MAST3: variants seen among roughly 807,000 people sequenced by gnomAD.
The protein encoded by MAST3 is microtubule-associated serine/threonine-protein kinase 3.
In MAST3, 43 loss-of-function variants were observed where a neutral mutation model predicts 127.0. The observed-to-expected ratio is 0.34, with a 90% CI of 0.27 to 0.44. The LOEUF is 0.44. Ranked by LOEUF, MAST3 falls within the 20% of genes least tolerant of loss-of-function variation. MAST3 has a pLI of 1.00. For missense variants in MAST3, 1,390 were observed against 1,919.1 expected (o/e 0.72, Z 5.15); for synonymous variants, 785 against 809.2 (o/e 0.97, Z 0.51).
chr19:18,114,829 G>T (rs1164504251), intron 3 of MAST3, among the ~76,000 whole-genome samples: 1 of 152,176 alleles, frequency 6.6e-6, no homozygotes, highest in Non-Finnish European at 1.5e-5. Flanking sequence ...AATCCCAAGG[G>T]CAGGAAGAAT....
At chr19:18,136,207 A>G (rs531601342) in intron 18 of MAST3, among the ~76,000 whole-genome samples, 3 of 152,296 alleles carry the variant, frequency 2.0e-5, no homozygotes, top group African/African-American at 7.2e-5. Context: ...GCCACCCATC[A>G]CGTGGCCACT....
At chr19:18,137,715 G>A (rs920600681) in intron 19 of MAST3, among the ~76,000 whole-genome samples, 9 of 152,102 alleles carry the variant, frequency 5.9e-5, no homozygotes, top group African/African-American at 1.4e-4. Flanking sequence ...AGGGTAGGGC[G>A]CCTAGTGCAG....
chr19:18,110,594 T>A lies in MAST3; in HGVS notation c.72-58T>A. The A allele has an allele frequency of 1.1e-6, 1 of 909,268 alleles. No homozygotes were observed. The allele number at this position is 909,268 out of a possible 1,614,324, so 56.3% of individuals were successfully genotyped here. ...CGCAGCCGCCATCCGGAGATCCGGA[T>A]TCGGCCACACGAAGGGGCGGCCGCC... On this transcript the variant is annotated intron_variant, in intron 2 of 27. Coordinates refer to ENST00000687212, the MANE Select transcript of MAST3 (RefSeq NM_001393504.1). The surrounding 1 kb of genome is among the most constrained non-coding windows in gnomAD (Gnocchi z 4.3).
chr19:18,145,499 C>T lies in MAST3; in HGVS notation c.3040-244C>T, dbSNP rs1032868310. Among the ~76,000 whole-genome samples, 16 of 152,216 alleles carry T rather than the reference C, an allele frequency of 1.1e-4. No individual in the cohort carries two copies. Among genetic ancestry groups the T allele is most frequent in the Admixed American group, 3.9e-4 (6 of 15,284 alleles). On this transcript the variant is annotated intron_variant, in intron 24 of 27. Coordinates refer to ENST00000687212, the MANE Select transcript of MAST3 (RefSeq NM_001393504.1). This position sits in a 1 kb window ranked among gnomAD's most constrained non-coding sequence, Gnocchi z 5.9. ...GGCATGTTATCCTCCCTCTCCCAGC[C>T]CAAGGGCGTCGAGGCATGCCCTCCC...
chr19:18,107,521 A>C (rs570528025), intron 1 of MAST3, 66 bp from the exon 2 acceptor site: 2 of 1,513,206 alleles, frequency 1.3e-6, no homozygotes, highest in Admixed American at 1.7e-5. Flanking sequence ...GTGGGGGTGC[A>C]TCAACGGCCA....
chr19:18,117,443 C>T (rs1330468886), intron 3 of MAST3, among the ~76,000 whole-genome samples: 1 of 152,234 alleles, frequency 6.6e-6, no homozygotes, highest in Non-Finnish European at 1.5e-5. Flanking sequence ...GCATGTCAGA[C>T]GCCCCGACTC....
Position 18,151,420 on chromosome 19 carries a change from T to C in MAST3, c.*1694T>C, listed in dbSNP as rs867332129. 1 of 152,218 alleles carries C rather than the reference T, an allele frequency of 6.6e-6. No homozygotes were observed. The highest frequency in any genetic ancestry group is 2.4e-5 in the African/African-American group (1 of 41,464). 9.4% of individuals were successfully genotyped at this position (152,218 alleles called of 1,614,324 possible). A position where few individuals can be genotyped will look rare whatever the true frequency, so the allele number is the denominator to read the frequency against. On this transcript the variant is annotated 3_prime_UTR_variant, in exon 28 of 28. Transcript: ENST00000687212. ...AGAACGGAGCATCAGCCAGACCCTG[T>C]TGTGGGCGTTGTCATCAAGGGAGCT...
At position 18,133,915 on chromosome 19, in the gene MAST3, A is replaced by G. The variant is rs1167141299; in HGVS notation, c.1572-664A>G. 5.3e-5 allele frequency among the ~76,000 whole-genome samples: 8 copies of G among 152,090 alleles called. No individual in the cohort carries two copies. The East Asian group carries it at 1.3e-3, about 26-fold the overall frequency. On this transcript the variant is annotated intron_variant, in intron 15 of 27. Transcript: ENST00000687212. ...TATATACTGCTGTTTAGGTTTTCCT[A>G]TGGACTTAAATATATAAATGTTTTG... is the stretch of plus-strand genomic sequence containing the variant.
intron 1 of MAST3, among the ~76,000 whole-genome samples, chr19:18,101,115 T>C (rs185529846): frequency 1.4e-4 from 21 of 152,284 alleles, no homozygotes; most frequent in Admixed American, 4.6e-4. Context: ...CTGTTATTAC[T>C]ACTACTACTA....
chr19:18,114,769 G>A (rs2039030896), intron 3 of MAST3, among the ~76,000 whole-genome samples: 1 of 152,168 alleles, frequency 6.6e-6, no homozygotes, highest in Non-Finnish European at 1.5e-5. Context: ...CAAAGTGGCT[G>A]TTCCAGGCAG....
intron 15 of MAST3, 25 bp from the exon 16 acceptor site, chr19:18,134,554 G>A (rs1347648907): frequency 1.3e-6 from 2 of 1,594,252 alleles, no homozygotes; most frequent in African/African-American, 2.7e-5. Context: ...CCCCAGCTCT[G>A]AGCACACTCC....
chr19:18,130,717 G>T lies in MAST3; in HGVS notation c.1432+15G>T. On this transcript the variant is annotated intron_variant, in intron 14 of 27. Coordinates refer to ENST00000687212, the MANE Select transcript of MAST3 (RefSeq NM_001393504.1). ...ATACGTGGAAGGTACGCTCACTGGG[G>T]CTTGCATGCCTCCAGCGATGGGGAG... is the stretch of plus-strand genomic sequence containing the variant. 4 of 1,610,580 alleles carry T rather than the reference G, an allele frequency of 2.5e-6. No homozygotes were observed. Among genetic ancestry groups the T allele is most frequent in the Non-Finnish European group, 2.5e-6 (3 of 1,178,208 alleles).
intron 3 of MAST3, among the ~76,000 whole-genome samples, chr19:18,117,386 C>T (rs984355888): frequency 1.3e-5 from 2 of 152,186 alleles, no homozygotes; most frequent in African/African-American, 4.8e-5. Flanking sequence ...GTGGCTGCTT[C>T]CTAACTGAGG....
At chr19:18,138,448 C>T (rs995383195) in intron 19 of MAST3, among the ~76,000 whole-genome samples, 36 of 151,690 alleles carry the variant, frequency 2.4e-4, no homozygotes, top group African/African-American at 7.7e-4. Flanking sequence ...CCCGAGTAGT[C>T]GGGATTACAG....
intron 8 of MAST3, 88 bp from the exon 9 acceptor site, chr19:18,123,851 C>G: frequency 7.7e-7 from 1 of 1,303,728 alleles, no homozygotes; most frequent in Non-Finnish European, 1.1e-6. Context: ...CATCTCCTCT[C>G]TCCCCAACCA....
intron 3 of MAST3, among the ~76,000 whole-genome samples, chr19:18,119,946 G>T (rs1249369713): frequency 6.6e-6 from 1 of 152,312 alleles, no homozygotes; most frequent in Non-Finnish European, 1.5e-5. Context: ...CTGCGTTGGC[G>T]GCTTGGGGTG....
chr19:18,149,571 C>G lies in MAST3; in HGVS notation c.3889C>G (p.Arg1297Gly). Residue 1297 changes from arginine (R) to glycine (G), a missense_variant, in exon 28 of 28, where the codon CGC becomes GGC. Around this residue, in one of 5 missense-constraint regions of MAST3, gnomAD observed 816 missense variants for 934.1 expected, o/e 0.87. Coordinates refer to ENST00000687212, the MANE Select transcript of MAST3 (RefSeq NM_001393504.1). This position sits in a 1 kb window ranked among gnomAD's most constrained non-coding sequence, Gnocchi z 5.9. ...VVMRRLHLSE[R>G]RDSFKKQEAV... Reference sequence around the variant, plus strand: ...CATGCGGCGGCTGCACCTGTCCGAGCGCCGAGACTCCTTCAAGAAGCAGGA... The same window carrying G: ...CATGCGGCGGCTGCACCTGTCCGAGGGCCGAGACTCCTTCAAGAAGCAGGA... 6.3e-7 allele frequency: 1 copy of G among 1,597,150 alleles called. No individual in the cohort carries two copies. Among genetic ancestry groups the G allele is most frequent in the Non-Finnish European group, 8.5e-7 (1 of 1,172,860 alleles).
intron 3 of MAST3, among the ~76,000 whole-genome samples, chr19:18,119,169 A>G (rs1339387451): frequency 6.6e-6 from 1 of 152,136 alleles, no homozygotes; most frequent in Non-Finnish European, 1.5e-5. Flanking sequence ...AAGTGAACAG[A>G]TGATGCTTAG....
chr19:18,116,090 C>CTTTTTTTTTTTTTTTTTTT lies in MAST3; in HGVS notation c.161+5352_161+5370dup, dbSNP rs3048876. The stretch of plus-strand genomic sequence containing the variant: ...TCTCAGCCTTGGTATTTGAAATTAT[C>CTTTTTTTTTTTTTTTTTTT]TTTTTTTTTTTTTTTTTTTTTGAGA... On this transcript the variant is annotated intron_variant, in intron 3 of 27. Coordinates refer to ENST00000687212, the MANE Select transcript of MAST3 (RefSeq NM_001393504.1). Among the ~76,000 whole-genome samples, 42 of 86,350 alleles carry CTTTTTTTTTTTTTTTTTTT rather than the reference C, an allele frequency of 4.9e-4. 7 individuals are homozygous for CTTTTTTTTTTTTTTTTTTT. Among genetic ancestry groups the CTTTTTTTTTTTTTTTTTTT allele is most frequent in the African/African-American group, 2.2e-3 (40 of 18,378 alleles). 56.6% of individuals were successfully genotyped at this position (86,350 alleles called of 152,430 possible). A position where few individuals can be genotyped will look rare whatever the true frequency, so the allele number is the denominator to read the frequency against.
Sources: allele counts gnomAD v4.1 joint callset (sites outside exome capture counted in the v4.1 genomes callset), GRCh38; gene constraint gnomAD v4.1.1; regional missense constraint gnomAD v4.1.1; non-coding constraint Gnocchi (gnomAD v3.1); transcripts MANE v1.5; gene names NCBI Gene and HGNC (gene_info 2026-07-23, HGNC 2026-07-21).